The following MBOAT1 variants were observed in gnomAD, a reference collection of about 807,000 sequenced individuals.
MBOAT1 encodes the protein membrane bound glycerophospholipid O-acyltransferase 1, also known as membrane-bound glycerophospholipid O-acyltransferase 1.
Under a neutral mutation model 64.4 loss-of-function variants are expected in MBOAT1, and 67 were observed. The observed-to-expected ratio is 1.04, with a 90% confidence interval of 0.85 to 1.27. The LOEUF (loss-of-function observed/expected upper bound fraction) is 1.27, where lower values mean the gene tolerates loss of function less well. MBOAT1 is among the 50% of genes most tolerant of loss of function. MBOAT1 has a pLI of 0.00. For synonymous variants in MBOAT1, 229 were observed against 218.9 expected (o/e 1.05, Z -0.41); for missense variants, 563 against 604.6 (o/e 0.93, Z 0.72).
chr6:20,185,114 G>A (rs1762614928), intron 1 of MBOAT1, among the ~76,000 whole-genome samples: 1 of 152,158 alleles, frequency 6.6e-6, no homozygotes, highest in Non-Finnish European at 1.5e-5. Context: ...GCTGGGCACA[G>A]TGACACATGC....
intron 1 of MBOAT1, among the ~76,000 whole-genome samples, chr6:20,168,816 G>A (rs1230792853): frequency 7.4e-6 from 1 of 134,838 alleles, no homozygotes; most frequent in Non-Finnish European, 1.6e-5. Flanking sequence ...GGGAGGGGAG[G>A]AAGGAAGAGG....
chr6:20,123,860 T>A (rs775007040), intron 8 of MBOAT1, among the ~76,000 whole-genome samples: 9 of 152,048 alleles, frequency 5.9e-5, no homozygotes, highest in Admixed American at 5.2e-4. Flanking sequence ...ATCGAGACCA[T>A]CCTGGCTAAC....
chr6:20,152,653 G>A lies in MBOAT1; in HGVS notation c.216C>T (p.Gly72=), dbSNP rs1433121987. Residue 72 remains glycine, a synonymous_variant, in exon 2 of 13, where the codon GGC becomes GGT. Transcript: ENST00000324607. ...CGAAACAAAAGATGACAAAATAGATGCCAAAAATGGTGGCAACCGCATGCC... is the reference window on the plus strand; with the variant it reads ...CGAAACAAAAGATGACAAAATAGATACCAAAAATGGTGGCAACCGCATGCC... The part of the protein sequence containing the change: ...DVRHAVATIF[G]IYFVIFCFGW... 3.7e-6 allele frequency: 6 copies of A among 1,610,896 alleles called. No homozygotes were observed. The Admixed American group carries it at 8.3e-5, about 22-fold the overall frequency.
intron 9 of MBOAT1, among the ~76,000 whole-genome samples, chr6:20,118,111 A>AAG (rs1760381359): frequency 2.0e-5 from 3 of 152,186 alleles, no homozygotes. Flanking sequence ...GTAGAAAGAG[A>AAG]AGAGAGAGAG....
chr6:20,135,524 T>C (rs1212620724), intron 4 of MBOAT1, among the ~76,000 whole-genome samples: 3 of 152,202 alleles, frequency 2.0e-5, no homozygotes, highest in African/African-American at 7.2e-5. Context: ...AATATTTCAA[T>C]AAAACCTACC....
chr6:20,211,592 G>A (rs1296706872), intron 1 of MBOAT1, among the ~76,000 whole-genome samples: 1 of 152,030 alleles, frequency 6.6e-6, no homozygotes, highest in Non-Finnish European at 1.5e-5. Context: ...TGAGCCAACC[G>A]AACCCTGGGA....
chr6:20,130,702 A>C (rs1267587943), intron 5 of MBOAT1, among the ~76,000 whole-genome samples: 1 of 134,838 alleles, frequency 7.4e-6, no homozygotes, highest in Non-Finnish European at 1.5e-5. Flanking sequence ...TTTCCAAGCC[A>C]AAAAAAAAAA....
At chr6:20,211,355 T>C (rs1363514658) in intron 1 of MBOAT1, among the ~76,000 whole-genome samples, 1 of 152,210 alleles carries the variant, frequency 6.6e-6, no homozygotes, top group Admixed American at 6.5e-5. Flanking sequence ...CATTTACTGA[T>C]TGGGTCACTA....
Position 20,144,283 on chromosome 6 carries a change from G to A in MBOAT1, c.356C>T (p.Thr119Ile). 3 of 1,612,236 alleles carry A rather than the reference G, an allele frequency of 1.9e-6. No homozygotes were observed. The highest frequency in any genetic ancestry group is 2.5e-6 in the Non-Finnish European group (3 of 1,178,940). ...YSFFVAMGYL[T>I]ICHISRIYIF... The stretch of plus-strand genomic sequence containing the variant: ...GTATATTCGGCTGATGTGGCATATT[G>A]TAAGATATCCCATTGCTACAAAAAA... Residue 119 changes from threonine to isoleucine, a missense_variant, in exon 4 of 13, where the codon ACA becomes ATA. By Grantham distance (89) the Thr-to-Ile change is moderately conservative (BLOSUM62 -1). Coordinates refer to ENST00000324607, the MANE Select transcript of MBOAT1 (RefSeq NM_001080480.3).
intron 1 of MBOAT1, among the ~76,000 whole-genome samples, chr6:20,185,622 A>G (rs1231002760): frequency 6.6e-6 from 1 of 152,148 alleles, no homozygotes; most frequent in Non-Finnish European, 1.5e-5. Flanking sequence ...ATACACACAT[A>G]CACACCTGGT....
At chr6:20,125,451 T>A (rs1760622393) in intron 7 of MBOAT1, among the ~76,000 whole-genome samples, 1 of 152,218 alleles carries the variant, frequency 6.6e-6, no homozygotes, top group Non-Finnish European at 1.5e-5. Context: ...CCCAGCCCTT[T>A]CCCAGCTGTA....
chr6:20,116,178 A>T (rs926014740), intron 9 of MBOAT1, among the ~76,000 whole-genome samples: 27 of 152,014 alleles, frequency 1.8e-4, no homozygotes, highest in Admixed American at 1.6e-3. Flanking sequence ...CTAAAAATAC[A>T]AAAGTTAGCC....
intron 3 of MBOAT1, among the ~76,000 whole-genome samples, chr6:20,150,140 C>G (rs965421454): frequency 6.6e-6 from 1 of 152,064 alleles, no homozygotes; most frequent in African/African-American, 2.4e-5. Context: ...AAACAGATAC[C>G]CAGGTATCTC....
intron 1 of MBOAT1, among the ~76,000 whole-genome samples, chr6:20,205,599 C>T (rs1023010105): frequency 3.3e-5 from 5 of 152,126 alleles, no homozygotes; most frequent in Admixed American, 2.6e-4. Flanking sequence ...TATCCAGAAT[C>T]CCCCAGCATG....
chr6:20,157,795 A>G (rs1312814838), intron 1 of MBOAT1, among the ~76,000 whole-genome samples: 1 of 152,200 alleles, frequency 6.6e-6, no homozygotes, highest in Non-Finnish European at 1.5e-5. Flanking sequence ...AGCAAAAGAA[A>G]CAATGTATAA....
chr6:20,202,114 T>C (rs1763138924), intron 1 of MBOAT1, among the ~76,000 whole-genome samples: 1 of 152,166 alleles, frequency 6.6e-6, no homozygotes, highest in Non-Finnish European at 1.5e-5. Flanking sequence ...GTTTAGCAAC[T>C]TCCTGTAAGC....
chr6:20,197,053 G>A (rs1366729256), intron 1 of MBOAT1, among the ~76,000 whole-genome samples: 2 of 152,138 alleles, frequency 1.3e-5, no homozygotes, highest in Non-Finnish European at 2.9e-5. Flanking sequence ...CCATAGTTAT[G>A]TAAGATGATA....
At chr6:20,164,742 C>T (rs1005111966) in intron 1 of MBOAT1, among the ~76,000 whole-genome samples, 31 of 152,110 alleles carry the variant, frequency 2.0e-4, no homozygotes, top group South Asian at 2.1e-4. Context: ...GGCAGCTTAG[C>T]GAGTGTATGT....
chr6:20,103,287 G>A (rs1400205258), intron 12 of MBOAT1, among the ~76,000 whole-genome samples: 1 of 152,064 alleles, frequency 6.6e-6, no homozygotes, highest in Non-Finnish European at 1.5e-5. Context: ...CTAGGCTGAT[G>A]GGTGTTTGTG....
Sources: gnomAD v4.1 joint callset for allele counts (sites outside exome capture counted in the v4.1 genomes callset) on GRCh38, gnomAD v4.1.1 for gene constraint, MANE v1.5 for transcripts, NCBI Gene and HGNC (gene_info 2026-07-23, HGNC 2026-07-21) for gene names.